SLC36A1: variants seen among roughly 807,000 people sequenced by gnomAD.
SLC36A1 encodes proton-coupled amino acid transporter 1.
In SLC36A1, 30 loss-of-function variants were observed where a neutral mutation model predicts 47.5. The observed-to-expected ratio is 0.63, with a 90% CI of 0.47 to 0.86. SLC36A1 has a LOEUF of 0.86. Among genes scored for constraint, SLC36A1 ranks in the 40% least tolerant of loss-of-function variants. The pLI is 0.00. For missense variants in SLC36A1, 517 were observed against 606.0 expected (o/e 0.85, Z 1.54); for synonymous variants, 255 against 249.7 (o/e 1.02, Z -0.20).
the SLC36A1 span, among the ~76,000 whole-genome samples, chr5:151,408,588 C>T: frequency 3.3e-5 from 5 of 152,218 alleles, no homozygotes; most frequent in African/African-American, 1.2e-4. Context: ...ACTACAAATA[C>T]GTAATTAAGA....
the SLC36A1 span, among the ~76,000 whole-genome samples, chr5:151,430,675 T>C: frequency 6.6e-5 from 10 of 152,314 alleles, no homozygotes; most frequent in African/African-American, 2.4e-4. Context: ...AGGTACTGTG[T>C]TGTTTGTTGC....
the SLC36A1 span, chr5:151,527,125 C>T: frequency 1.7e-6 from 2 of 1,182,612 alleles, 1 homozygote; most frequent in South Asian, 3.0e-5. Context: ...ACATCAGTGG[C>T]AAAGTCACAG....
At chr5:151,380,453 C>A in the SLC36A1 span, 1 of 436,560 alleles carries the variant, frequency 2.3e-6, no homozygotes, top group East Asian at 5.9e-5. Flanking sequence ...AGCTCAAGAC[C>A]TAGCTAGATG....
chr5:151,408,030 A>T, the SLC36A1 span, among the ~76,000 whole-genome samples: 10 of 152,306 alleles, frequency 6.6e-5, no homozygotes, highest in African/African-American at 2.4e-4. Context: ...CAAAGCAGGG[A>T]TTATTATCTT....
At chr5:151,554,170 C>A in the SLC36A1 span, among the ~76,000 whole-genome samples, 1 of 152,168 alleles carries the variant, frequency 6.6e-6, no homozygotes, top group Non-Finnish European at 1.5e-5. Flanking sequence ...GACCTTATTG[C>A]CTTCAAAGAG....
the SLC36A1 span, chr5:151,505,783 G>A: frequency 6.2e-7 from 1 of 1,614,068 alleles, no homozygotes; most frequent in Non-Finnish European, 8.5e-7. Flanking sequence ...AACTGCGAGT[G>A]GTAGTAGCTG....
chr5:151,365,882 G>C, the SLC36A1 span, among the ~76,000 whole-genome samples: 1 of 152,144 alleles, frequency 6.6e-6, no homozygotes, highest in African/African-American at 2.4e-5. Context: ...GCCTCCATTG[G>C]TGGTGCCTCC....
chr5:151,467,302 A>ACC lies in SLC36A1; in HGVS notation c.504+19_504+20insCC. On this transcript the variant is annotated intron_variant, in intron 6 of 10. Coordinates refer to ENST00000243389, the MANE Select transcript of SLC36A1 (RefSeq NM_078483.4). ...TAAACAGGTAGGCACCTGGTTAAAA[A>ACC]AGAAAAAAAAAAAAAAAACCAGAGC... 1 of 1,423,488 alleles carries ACC rather than the reference A, an allele frequency of 7.0e-7. No individual in the cohort carries two copies. Among genetic ancestry groups the ACC allele is most frequent in the Non-Finnish European group, 9.5e-7 (1 of 1,050,934 alleles). 88.2% of individuals were successfully genotyped at this position (1,423,488 alleles called of 1,614,324 possible). A position where few individuals can be genotyped will look rare whatever the true frequency, so the allele number is the denominator to read the frequency against.
chr5:151,376,966 A>G, the SLC36A1 span, among the ~76,000 whole-genome samples: 8 of 152,288 alleles, frequency 5.3e-5, no homozygotes, highest in South Asian at 2.1e-4. Context: ...TAATTTCATC[A>G]TGGACCCAAA....
In SLC36A1 at chr5:151,467,192, C is replaced by T. The variant is rs1279748292; in HGVS notation, c.420-7C>T. ...AGTCTTTGTATTCCTTCCTTCCCCA[C>T]CTCCAGACGTGTTGTGGACTTCTTC... On this transcript the variant is annotated splice_polypyrimidine_tract_variant and splice_region_variant and intron_variant, in intron 5 of 10. Coordinates refer to ENST00000243389, the MANE Select transcript of SLC36A1 (RefSeq NM_078483.4). 1.2e-6 allele frequency: 2 copies of T among 1,603,932 alleles called. No individual in the cohort carries two copies. The highest frequency in any genetic ancestry group is 1.7e-5 in the Admixed American group (1 of 59,142).
the SLC36A1 span, among the ~76,000 whole-genome samples, chr5:151,428,640 CT>C: frequency 0.018 from 2,710 of 147,208 alleles, 74 homozygotes; most frequent in African/African-American, 0.062. Context: ...ACTCTGCTGA[CT>C]TTTTTTTTTT....
chr5:151,498,575 G>A, the SLC36A1 span, among the ~76,000 whole-genome samples: 4 of 152,126 alleles, frequency 2.6e-5, no homozygotes, highest in African/African-American at 9.7e-5. Flanking sequence ...CTTCTCCCCT[G>A]CCAGTTGATT....
At chr5:151,545,537 C>T in the SLC36A1 span, 23 of 1,614,078 alleles carry the variant, frequency 1.4e-5, no homozygotes, top group Admixed American at 3.7e-4. Context: ...TCATTCACAT[C>T]TCTGACATGA....
the SLC36A1 span, among the ~76,000 whole-genome samples, chr5:151,363,558 A>G: frequency 5.3e-5 from 8 of 152,088 alleles, no homozygotes; most frequent in Non-Finnish European, 1.2e-4. Context: ...CAACACCACC[A>G]TTTTGGAATC....
At chr5:151,376,389 T>C in the SLC36A1 span, among the ~76,000 whole-genome samples, 4 of 152,146 alleles carry the variant, frequency 2.6e-5, no homozygotes, top group African/African-American at 9.6e-5. Flanking sequence ...TGTTGATCCT[T>C]TTTATCTTTT....
intron 10 of SLC36A1, among the ~76,000 whole-genome samples, chr5:151,483,309 A>T (rs1759058007): frequency 6.6e-6 from 1 of 152,176 alleles, no homozygotes; most frequent in Admixed American, 6.5e-5. Context: ...AGCAGTTTAA[A>T]AGCTCATATT....
the SLC36A1 span, chr5:151,543,715 G>A: frequency 6.2e-7 from 1 of 1,614,176 alleles, no homozygotes; most frequent in South Asian, 1.1e-5. Context: ...GGCATTTGTA[G>A]TGTTGATGTA....
chr5:151,449,836 C>G (rs1279820085), intron 1 of SLC36A1, among the ~76,000 whole-genome samples: 1 of 152,210 alleles, frequency 6.6e-6, no homozygotes, highest in African/African-American at 2.4e-5. Flanking sequence ...GAGGGTTGGA[C>G]TAGACAAAAT....
the SLC36A1 span, among the ~76,000 whole-genome samples, chr5:151,538,895 A>G: frequency 6.6e-6 from 1 of 151,142 alleles, no homozygotes; most frequent in Non-Finnish European, 1.5e-5. Flanking sequence ...CATGTTGGCC[A>G]GGCTGGTCTC....
Sources: allele counts gnomAD v4.1 joint callset (sites outside exome capture counted in the v4.1 genomes callset), GRCh38; gene constraint gnomAD v4.1.1; transcripts MANE v1.5; gene names NCBI Gene and HGNC (gene_info 2026-07-23, HGNC 2026-07-21).